The following MED14 variants were observed in gnomAD, a reference collection of about 807,000 sequenced individuals.
The protein encoded by MED14 is mediator complex subunit 14.
Under a neutral mutation model 109.0 loss-of-function variants are expected in MED14, and 8 were observed. The observed-to-expected ratio is 0.07, with a 90% CI of 0.04 to 0.13. The LOEUF is 0.13. Among genes scored for constraint, MED14 ranks in the 10% least tolerant of loss-of-function variants. The probability of loss-of-function intolerance (pLI) is 1.00; values close to 1 mark genes in which losing one functional copy is unlikely to be tolerated. For synonymous variants in MED14, 399 were observed against 408.7 expected (o/e 0.98, Z 0.29); for missense variants, 711 against 1,142.4 (o/e 0.62, Z 5.44).
rs36144185 is a variant in MED14, at chrX:40,691,607, C to CTTTTTTT, written c.1980+569_1980+575dup. ...CAGCCTGTCCACTTTTTCTTTTAAT[C>CTTTTTTT]TTTTTTTTTTTTTTTTTTTTTGGAG... On this transcript the variant is annotated intron_variant, in intron 15 of 30. Coordinates refer to ENST00000324817, the MANE Select transcript of MED14 (RefSeq NM_004229.4). Among the ~76,000 whole-genome samples the CTTTTTTT allele has an allele frequency of 1.5e-3, 90 of 59,453 alleles. 7 individuals carry two copies. The highest frequency in any genetic ancestry group is 0.019 in the Middle Eastern group (1 of 52). 51.6% of individuals were successfully genotyped at this position (59,453 alleles called of 115,157 possible). A position where few individuals can be genotyped will look rare whatever the true frequency, so the allele number is the denominator to read the frequency against.
At chrX:40,719,896 TAGTC>T (rs1325838042) in intron 3 of MED14, among the ~76,000 whole-genome samples, 2 of 112,103 alleles carry the variant, frequency 1.8e-5, no homozygotes, top group Non-Finnish European at 3.8e-5. Context: ...GTTTTACCAT[TAGTC>T]AGAGTTCCAT....
chrX:40,728,169 A>G (rs1186670413), intron 2 of MED14, among the ~76,000 whole-genome samples: 1 of 111,633 alleles, frequency 9.0e-6, no homozygotes, highest in Non-Finnish European at 1.9e-5. Flanking sequence ...CCTCTCACAG[A>G]GCAAACACAC....
At chrX:40,681,756 G>C (rs756253496) in intron 19 of MED14, 96 bp downstream of exon 19, 17 of 451,998 alleles carry the variant, frequency 3.8e-5, no homozygotes, top group Middle Eastern at 1.1e-3. Context: ...ACTTTTACTT[G>C]AGCTCTTACT....
intron 20 of MED14, 129 bp downstream of exon 20, chrX:40,680,629 G>C: frequency 1.9e-6 from 1 of 536,266 alleles, no homozygotes; most frequent in Non-Finnish European, 2.9e-6. Flanking sequence ...CATTGCCCAA[G>C]CTGGTCTTGA....
At chrX:40,686,974 C>T (rs968556624) in intron 16 of MED14, among the ~76,000 whole-genome samples, 2 of 111,134 alleles carry the variant, frequency 1.8e-5, no homozygotes, top group African/African-American at 6.6e-5. Flanking sequence ...AGAACTTAAG[C>T]CCTATGCCCA....
At chrX:40,657,508 C>G (rs1292625962) in intron 28 of MED14, among the ~76,000 whole-genome samples, 1 of 111,492 alleles carries the variant, frequency 9.0e-6, no homozygotes, top group East Asian at 2.8e-4. Flanking sequence ...ATAGATTCAA[C>G]CCTAGGGTCT....
intron 26 of MED14, among the ~76,000 whole-genome samples, chrX:40,662,707 C>G (rs958261923): frequency 4.5e-5 from 5 of 111,813 alleles, no homozygotes; most frequent in Non-Finnish European, 7.5e-5. Context: ...CACAGCACAG[C>G]AAACTGTATA....
chrX:40,699,535 A>G (rs1193668594), intron 12 of MED14, among the ~76,000 whole-genome samples: 2 of 112,278 alleles, frequency 1.8e-5, no homozygotes, highest in Non-Finnish European at 3.8e-5. Flanking sequence ...TTATAAATAA[A>G]TCATGTAAGT....
At chrX:40,697,765 A>G (rs1930773811) in intron 12 of MED14, among the ~76,000 whole-genome samples, 1 of 112,131 alleles carries the variant, frequency 8.9e-6, no homozygotes, top group Non-Finnish European at 1.9e-5. Context: ...ATGCATAATG[A>G]AACTACAGAA....
chrX:40,723,666 A>AG (rs1286228075), intron 3 of MED14, among the ~76,000 whole-genome samples: 1 of 53,324 alleles, frequency 1.9e-5, no homozygotes, highest in African/African-American at 6.7e-5. Flanking sequence ...ACTCCGTCTC[A>AG]GAAAAAAAAA....
At chrX:40,700,230 C>A (rs1930873574) in intron 12 of MED14, among the ~76,000 whole-genome samples, 1 of 107,752 alleles carries the variant, frequency 9.3e-6, no homozygotes, top group Non-Finnish European at 1.9e-5. Context: ...GTAGTATGCA[C>A]CTGTGGTCCC....
chrX:40,650,021 C>T lies in MED14; in HGVS notation c.*1785G>A. The T allele has an allele frequency of 2.7e-6, 2 of 739,765 alleles. No homozygotes were observed. The highest frequency in any genetic ancestry group is 3.2e-6 in the Non-Finnish European group (2 of 626,077). The allele number at this position is 739,765 out of a possible 1,213,427, so 61.0% of individuals were successfully genotyped here. A position where few individuals can be genotyped will look rare whatever the true frequency, so the allele number is the denominator to read the frequency against. On this transcript the variant is annotated 3_prime_UTR_variant, in exon 31 of 31. Coordinates refer to ENST00000324817, the MANE Select transcript of MED14 (RefSeq NM_004229.4). ...ATAAAATTATTTGAAACAATATTAT[C>T]CTGCAGATAAAAATACATTTCTTGT...
intron 3 of MED14, among the ~76,000 whole-genome samples, chrX:40,725,898 G>T (rs1931878030): frequency 9.0e-6 from 1 of 111,698 alleles, no homozygotes; most frequent in South Asian, 3.7e-4. Flanking sequence ...AATTATCCTT[G>T]TTTGCAGATG....
In MED14 at chrX:40,729,184, A is replaced by G. The variant is rs1602497575; in HGVS notation, c.242+135T>C. On this transcript the variant is annotated intron_variant, in intron 2 of 30. Coordinates refer to ENST00000324817, the MANE Select transcript of MED14 (RefSeq NM_004229.4). ...ACATTTCCCAGGACTCCCTAAATAC[A>G]TGGTGTGAAAAATCATTCTAGACTC... is the stretch of plus-strand genomic sequence containing the variant. 2.1e-5 allele frequency: 11 copies of G among 535,954 alleles called. No homozygotes were observed. The East Asian group carries it at 3.3e-4, about 16-fold the overall frequency. The allele number at this position is 535,954 out of a possible 1,213,427, so 44.2% of individuals were successfully genotyped here. A position where few individuals can be genotyped will look rare whatever the true frequency, so the allele number is the denominator to read the frequency against.
intron 28 of MED14, among the ~76,000 whole-genome samples, chrX:40,656,919 GCT>G (rs971869364): frequency 2.7e-5 from 3 of 111,960 alleles, no homozygotes; most frequent in African/African-American, 9.8e-5. Context: ...ACGGAGTCTT[GCT>G]CTGTCAGCCA....
chrX:40,668,380 C>A, intron 23 of MED14, among the ~76,000 whole-genome samples: 1 of 42,295 alleles, frequency 2.4e-5, no homozygotes, highest in Non-Finnish European at 4.9e-5. Flanking sequence ...AAGACTCTGT[C>A]TCCAAAAAAA....
At chrX:40,677,673 CAA>C (rs1929957896) in intron 21 of MED14, among the ~76,000 whole-genome samples, 4 of 110,625 alleles carry the variant, frequency 3.6e-5, no homozygotes, top group Admixed American at 2.9e-4. Context: ...AAAAAAGAGA[CAA>C]AAAAACAAAA....
At position 40,659,461 on chromosome X, in the gene MED14, T is replaced by C; in HGVS notation, c.3831A>G (p.Glu1277=). ...PENAGQWKPD[E]LQVLEKFFET... ...CAAAGAATTTCTCCAAAACTTGAAG[T>C]TCATCAGGTTTCCACTGTCCTGCAT... Residue 1277 remains glutamate, a synonymous_variant, in exon 27 of 31, where the codon GAA becomes GAG. Coordinates refer to ENST00000324817, the MANE Select transcript of MED14 (RefSeq NM_004229.4). The C allele has an allele frequency of 8.3e-7, 1 of 1,210,647 alleles. No homozygotes were observed.
At chrX:40,693,786 G>A (rs1930622487) in intron 13 of MED14, among the ~76,000 whole-genome samples, 1 of 111,627 alleles carries the variant, frequency 9.0e-6, no homozygotes, top group Admixed American at 9.5e-5. Flanking sequence ...TGGTCACTGT[G>A]AGGGTAACAA....
Sources: gnomAD v4.1 joint callset for allele counts (sites outside exome capture counted in the v4.1 genomes callset) on GRCh38, gnomAD v4.1.1 for gene constraint, MANE v1.5 for transcripts, NCBI Gene and HGNC (gene_info 2026-07-23, HGNC 2026-07-21) for gene names.